WWOX: variants seen among roughly 807,000 people sequenced by gnomAD.
WWOX encodes the protein WW domain containing oxidoreductase.
In WWOX, 69 loss-of-function variants were observed where a neutral mutation model predicts 46.2. That is an observed-to-expected ratio of 1.49 (90% confidence interval 1.23 to 1.82). The LOEUF (loss-of-function observed/expected upper bound fraction) is 1.82. Ranked by LOEUF, WWOX falls within the 40% of genes most tolerant of loss-of-function variation. The probability of loss-of-function intolerance (pLI) is 0.00; values close to 1 mark genes in which losing one functional copy is unlikely to be tolerated. For synonymous variants in WWOX, 359 were observed against 202.6 expected, an observed-to-expected ratio of 1.77 and a Z score of -6.56; for missense variants, 919 against 542.6, an observed-to-expected ratio of 1.69 and a Z score of -6.89.
intron 8 of WWOX, among the ~76,000 whole-genome samples, chr16:79,094,285 G>A (rs1395467067): frequency 2.8e-5 from 4 of 144,878 alleles, no homozygotes; most frequent in African/African-American, 5.1e-5. Context: ...ACGGGGTCTC[G>A]CTCTGTCTCC....
intron 8 of WWOX, among the ~76,000 whole-genome samples, chr16:78,442,455 C>A (rs935172068): frequency 2.6e-5 from 4 of 152,130 alleles, no homozygotes; most frequent in Non-Finnish European, 4.4e-5. Context: ...TCCCACTTCC[C>A]CACTACCAGC....
intron 8 of WWOX, among the ~76,000 whole-genome samples, chr16:78,685,539 C>A (rs1424295402): frequency 6.6e-6 from 1 of 152,116 alleles, no homozygotes; most frequent in Non-Finnish European, 1.5e-5. Context: ...AAAAATAGCC[C>A]CCAAAATGAA....
chr16:78,940,613 A>G (rs956754984), intron 8 of WWOX, among the ~76,000 whole-genome samples: 1 of 152,056 alleles, frequency 6.6e-6, no homozygotes, highest in Non-Finnish European at 1.5e-5. Context: ...ATCTCCACAG[A>G]AGTTAAAATA....
chr16:78,162,004 A>G (rs1403531187), intron 4 of WWOX, among the ~76,000 whole-genome samples: 2 of 152,110 alleles, frequency 1.3e-5, no homozygotes, highest in African/African-American at 2.4e-5. Context: ...GGATCTTAAC[A>G]TGTCGTTACC....
intron 5 of WWOX, among the ~76,000 whole-genome samples, chr16:78,367,562 G>C (rs970508635): frequency 6.6e-6 from 1 of 152,118 alleles, no homozygotes; most frequent in Non-Finnish European, 1.5e-5. Flanking sequence ...AAAAGGCTTC[G>C]AGTTCATGGA....
chr16:78,281,580 C>T (rs1304912022), intron 5 of WWOX, among the ~76,000 whole-genome samples: 1 of 152,078 alleles, frequency 6.6e-6, no homozygotes, highest in African/African-American at 2.4e-5. Context: ...TGTTTGTTGC[C>T]AACTACTCAA....
Position 78,469,618 on chromosome 16 carries a change from C to A in WWOX, c.1056+36866C>A, listed in dbSNP as rs145647779. On this transcript the variant is annotated intron_variant, in intron 8 of 8. Transcript: ENST00000566780. ...ATGTTAAAAAAACAAACTTGAAAAG[C>A]ATAGCAGGCTGCCAGGACATGTCTG... is the stretch of plus-strand genomic sequence containing the variant. Among the ~76,000 whole-genome samples, 8 of 152,332 alleles carry A rather than the reference C, an allele frequency of 5.3e-5. No individual in the cohort carries two copies. In the East Asian group the frequency reaches 1.5e-3, roughly 29 times the overall value.
chr16:78,539,997 TTCTC>T lies in WWOX; in HGVS notation c.1056+107266_1056+107269del, dbSNP rs536466074. Among the ~76,000 whole-genome samples the T allele has an allele frequency of 1.4e-3, 182 of 133,080 alleles. 1 individual carries two copies. The highest frequency in any genetic ancestry group is 4.2e-3 in the Middle Eastern group (1 of 238). The allele number at this position is 133,080 out of a possible 152,430, so 87.3% of individuals were successfully genotyped here. A position where few individuals can be genotyped will look rare whatever the true frequency, so the allele number is the denominator to read the frequency against. ...CTTTCCAATACATCTCTCTCTCTCTTTCTCTCTCTCTCTCTCTCTCTCTCACACA... is the reference window on the plus strand; with the variant it reads ...CTTTCCAATACATCTCTCTCTCTCTTTCTCTCTCTCTCTCTCTCTCACACA... On this transcript the variant is annotated intron_variant, in intron 8 of 8. Transcript: ENST00000566780.
chr16:79,092,586 G>T (rs2048984670), intron 8 of WWOX, among the ~76,000 whole-genome samples: 1 of 152,134 alleles, frequency 6.6e-6, no homozygotes, highest in African/African-American at 2.4e-5. Context: ...CTTGTTTTGT[G>T]TAATTGGTCT....
chr16:78,795,205 G>C (rs568331737), intron 8 of WWOX, among the ~76,000 whole-genome samples: 2 of 152,062 alleles, frequency 1.3e-5, no homozygotes, highest in Non-Finnish European at 2.9e-5. Flanking sequence ...AGTGCTTTGC[G>C]GGCATTATGT....
At chr16:78,174,467 A>G (rs1455556922) in intron 5 of WWOX, among the ~76,000 whole-genome samples, 1 of 151,864 alleles carries the variant, frequency 6.6e-6, no homozygotes, top group Non-Finnish European at 1.5e-5. Flanking sequence ...GCGCAGCCAA[A>G]CCATATCAGA....
chr16:78,451,011 C>G (rs1361921837), intron 8 of WWOX, among the ~76,000 whole-genome samples: 1 of 152,120 alleles, frequency 6.6e-6, no homozygotes, highest in African/African-American at 2.4e-5. Flanking sequence ...TTCCTTTATC[C>G]CTAACCCGGA....
chr16:79,175,000 C>G (rs374382051), intron 8 of WWOX, among the ~76,000 whole-genome samples: 1 of 152,166 alleles, frequency 6.6e-6, no homozygotes, highest in Admixed American at 6.5e-5. Flanking sequence ...CGTTCTCTCC[C>G]TCAGCATACC....
intron 4 of WWOX, among the ~76,000 whole-genome samples, chr16:78,124,497 G>A (rs1249159611): frequency 6.6e-6 from 1 of 152,142 alleles, no homozygotes; most frequent in African/African-American, 2.4e-5. Context: ...TAAGGTTGGG[G>A]TCACTAGGAG....
intron 8 of WWOX, among the ~76,000 whole-genome samples, chr16:78,640,876 T>C (rs1229575772): frequency 6.7e-6 from 1 of 149,960 alleles, no homozygotes; most frequent in East Asian, 2.0e-4. Context: ...GAAGCAGAGG[T>C]TGCAGTGAGC....
chr16:79,182,585 A>G (rs1186506127), intron 8 of WWOX, among the ~76,000 whole-genome samples: 1 of 152,116 alleles, frequency 6.6e-6, no homozygotes, highest in African/African-American at 2.4e-5. Flanking sequence ...CTTTTAAAGT[A>G]GAATATCAGG....
intron 8 of WWOX, among the ~76,000 whole-genome samples, chr16:79,048,617 GTTT>G (rs2048109660): frequency 6.6e-6 from 1 of 152,034 alleles, no homozygotes; most frequent in South Asian, 2.1e-4. Context: ...AATGTGTTGT[GTTT>G]TTTTGTTTTC....
chr16:78,604,460 T>G (rs543724571), intron 8 of WWOX, among the ~76,000 whole-genome samples: 1 of 152,144 alleles, frequency 6.6e-6, no homozygotes, highest in Non-Finnish European at 1.5e-5. Context: ...AAGAGAATTG[T>G]CATCTGTTAA....
chr16:78,699,845 AT>A (rs2142290998), intron 8 of WWOX, among the ~76,000 whole-genome samples: 1 of 152,210 alleles, frequency 6.6e-6, no homozygotes, highest in East Asian at 1.9e-4. Context: ...ATATCAGGGT[AT>A]TTCTCTTTGT....
Sources: gnomAD v4.1 joint callset for allele counts (sites outside exome capture counted in the v4.1 genomes callset) on GRCh38, gnomAD v4.1.1 for gene constraint, MANE v1.5 for transcripts, NCBI Gene and HGNC (gene_info 2026-07-23, HGNC 2026-07-21) for gene names.